CCDC88A: variants seen among roughly 807,000 people sequenced by gnomAD.
The protein encoded by CCDC88A is girdin.
Under a neutral mutation model 234.3 loss-of-function variants are expected in CCDC88A, and 54 were observed. The ratio of observed to expected loss-of-function variants is 0.23; its 90% confidence interval spans 0.19 to 0.29. CCDC88A has a LOEUF of 0.29. CCDC88A is among the 10% of genes least tolerant of loss of function. The pLI, the probability that CCDC88A is intolerant of heterozygous loss-of-function variation, is 1.00. For synonymous variants in CCDC88A, 753 were observed against 737.8 expected, an observed-to-expected ratio of 1.02 and a Z score of -0.33; for missense variants, 1,832 against 2,123.4, an observed-to-expected ratio of 0.86 and a Z score of 2.70.
intron 21 of CCDC88A, 126 bp from the exon 22 acceptor site, chr2:55,316,240 C>T: frequency 2.4e-6 from 1 of 416,712 alleles, no homozygotes. Flanking sequence ...TTACAAGTTA[C>T]TAAACTTATC....
At chr2:55,346,434 T>C in intron 9 of CCDC88A, 101 bp from the exon 10 acceptor site, 2 of 655,330 alleles carry the variant, frequency 3.1e-6, no homozygotes, top group Non-Finnish European at 4.6e-6. Context: ...TATTTATTTA[T>C]TTGAGATGGA....
chr2:55,374,650 A>C (rs1252169885), intron 4 of CCDC88A, among the ~76,000 whole-genome samples, 164 bp downstream of exon 4: 1 of 152,196 alleles, frequency 6.6e-6, no homozygotes, highest in Non-Finnish European at 1.5e-5. Context: ...TAACTTACAA[A>C]TATTCTAAGC....
intron 5 of CCDC88A, among the ~76,000 whole-genome samples, chr2:55,366,122 A>C (rs1671905875): frequency 6.6e-6 from 1 of 152,190 alleles, no homozygotes; most frequent in Non-Finnish European, 1.5e-5. Flanking sequence ...AAGCTCTCTT[A>C]TCTTTATGTA....
intron 2 of CCDC88A, among the ~76,000 whole-genome samples, chr2:55,414,402 A>G (rs1681005231): frequency 6.6e-6 from 1 of 152,250 alleles, no homozygotes; most frequent in Admixed American, 6.5e-5. Context: ...AATAAAGAAA[A>G]AAGATTTCAA....
At chr2:55,360,533 A>C (rs1254655788) in intron 7 of CCDC88A, among the ~76,000 whole-genome samples, 1 of 152,234 alleles carries the variant, frequency 6.6e-6, no homozygotes, top group African/African-American at 2.4e-5. Flanking sequence ...TCTGAGACAG[A>C]AGAGTATGAC....
In CCDC88A at chr2:55,334,112, C is replaced by T. The variant is rs1402179252; in HGVS notation, c.2709G>A (p.Thr903=). 1.5e-5 allele frequency: 20 copies of T among 1,309,588 alleles called. No homozygotes were observed. Among genetic ancestry groups the T allele is most frequent in the South Asian group, 3.1e-5 (1 of 32,378 alleles). 81.1% of individuals were successfully genotyped at this position (1,309,588 alleles called of 1,614,324 possible). ...TATTTACCTCACGTAGTGTAACCAA[C>T]GTTTTTATATCAATAGTTGCTCTTT... ...LVKRATIDIK[T]LVTLREDLVS... The change falls in exon 15 of 33, where the codon ACG becomes ACA. Residue 903 remains threonine, a synonymous_variant. Transcript: ENST00000436346. This position sits in a 1 kb window ranked among gnomAD's most constrained non-coding sequence, Gnocchi z 6.1.
At position 55,317,759 on chromosome 2, in the gene CCDC88A, T is replaced by G; in HGVS notation, c.3407A>C (p.Glu1136Ala). Reference protein sequence around the residue: ...AQLLIQQSSLENENESVIKER... With the variant: ...AQLLIQQSSLANENESVIKER... ...TTTGATTACAGATTCATTTTCATTT[T>G]CTAAGGAAGACTGCTGGATTAGGAG... is the stretch of plus-strand genomic sequence containing the variant. Residue 1136 changes from glutamate (E) to alanine (A), a missense_variant, in exon 20 of 33, where the codon GAA becomes GCA. Glu to Ala is a moderately radical substitution (Grantham distance 107). Around this residue, in one of 6 missense-constraint regions of CCDC88A, gnomAD observed 1,282 missense variants for 1,543.6 expected, o/e 0.83. Coordinates refer to ENST00000436346, the MANE Select transcript of CCDC88A (RefSeq NM_001365480.1). This position sits in a 1 kb window ranked among gnomAD's most constrained non-coding sequence, Gnocchi z 4.2. The G allele has an allele frequency of 6.2e-7, 1 of 1,613,454 alleles. No individual in the cohort carries two copies. Among genetic ancestry groups the G allele is most frequent in the Non-Finnish European group, 8.5e-7 (1 of 1,179,562 alleles).
chr2:55,375,576 G>A (rs762269307), intron 3 of CCDC88A, among the ~76,000 whole-genome samples: 5 of 148,246 alleles, frequency 3.4e-5, no homozygotes, highest in African/African-American at 7.4e-5. Context: ...CAGCCTGGCT[G>A]TAGTGCAGTG....
intron 8 of CCDC88A, among the ~76,000 whole-genome samples, chr2:55,351,683 T>C (rs905915185): frequency 8.5e-5 from 13 of 152,300 alleles, no homozygotes; most frequent in South Asian, 2.1e-4. Context: ...TTCAGCAGCA[T>C]TAATTATGTT....
chr2:55,401,402 C>A (rs1188773131), intron 2 of CCDC88A, among the ~76,000 whole-genome samples: 2 of 139,274 alleles, frequency 1.4e-5, no homozygotes, highest in East Asian at 2.0e-4. Flanking sequence ...CCACTGCATT[C>A]CAGCCTGGAT....
Position 55,317,655 on chromosome 2 carries a change from C to A in CCDC88A, c.3511G>T (p.Ala1171Ser), listed in dbSNP as rs745620129. 1.2e-6 allele frequency: 2 copies of A among 1,612,986 alleles called. No homozygotes were observed. The highest frequency in any genetic ancestry group is 2.2e-5 in the East Asian group (1 of 44,820). The change falls in exon 20 of 33, where the codon GCT (alanine) becomes TCT (serine). Residue 1171 changes from alanine to serine, a missense_variant. Transcript: ENST00000436346. The surrounding 1 kb of genome is among the most constrained non-coding windows in gnomAD (Gnocchi z 4.2). ...GAGATAAGAGATTCATACTCTGAAG[C>A]CTGACGTTCATGAAGAAGTTCCAGC... Reference protein sequence around the residue: ...EKLELLHERQASEYESLISKH... With the variant: ...EKLELLHERQSSEYESLISKH...
At chr2:55,346,089 T>C in intron 10 of CCDC88A, 86 bp downstream of exon 10, 2 of 876,120 alleles carry the variant, frequency 2.3e-6, no homozygotes, top group Non-Finnish European at 3.5e-6. Flanking sequence ...ATTTCAAGAG[T>C]TTCTCATGTT....
chr2:55,302,366 C>T (rs1302946420), intron 26 of CCDC88A, among the ~76,000 whole-genome samples: 1 of 152,170 alleles, frequency 6.6e-6, no homozygotes, highest in Non-Finnish European at 1.5e-5. Context: ...TGTGCTAAAA[C>T]TTTAATTAGC....
chr2:55,348,121 G>A (rs991049682), intron 9 of CCDC88A, among the ~76,000 whole-genome samples: 12 of 151,640 alleles, frequency 7.9e-5, no homozygotes, highest in African/African-American at 2.4e-4. Context: ...GCCCCATTAC[G>A]TGCAGCTAAT....
At chr2:55,349,400 G>A (rs1005756052) in intron 9 of CCDC88A, 118 bp downstream of exon 9, 1 of 725,822 alleles carries the variant, frequency 1.4e-6, no homozygotes, top group Non-Finnish European at 2.3e-6. Flanking sequence ...ATCTCTTGAA[G>A]CCTCAGGAAC....
At chr2:55,374,763 G>A in intron 4 of CCDC88A, 51 bp downstream of exon 4, 1 of 1,097,654 alleles carries the variant, frequency 9.1e-7, no homozygotes, top group Non-Finnish European at 1.4e-6. Flanking sequence ...AAACATCATA[G>A]TATTACACAA....
In CCDC88A at chr2:55,296,007, A is replaced by G. The variant is rs144120500; in HGVS notation, c.5141T>C (p.Leu1714Ser). Residue 1714 changes from leucine (L) to serine (S), a missense_variant, in exon 31 of 33, where the codon TTG becomes TCG. Leu to Ser is a moderately radical substitution (Grantham distance 145, BLOSUM62 -2). Transcript: ENST00000436346. ...ENLLDEVMKSLSVSSDFLGKD... is the reference protein window; with the variant it reads ...ENLLDEVMKSSSVSSDFLGKD... ...TCCCAAAAAGTCAGAAGAGACAGAC[A>G]AACTTTTCATTACTTCATCTAAAAG... 98 of 1,608,948 alleles carry G rather than the reference A, an allele frequency of 6.1e-5. No individual in the cohort carries two copies. In the African/African-American group the frequency reaches 1.2e-3, roughly 20 times the overall value.
At chr2:55,346,592 G>C (rs1397014986) in intron 9 of CCDC88A, among the ~76,000 whole-genome samples, 1 of 151,856 alleles carries the variant, frequency 6.6e-6, no homozygotes, top group Non-Finnish European at 1.5e-5. Context: ...GCTAATTTTT[G>C]TATTTTTAGT....
chr2:55,369,909 TA>T (rs1381179844), intron 5 of CCDC88A, among the ~76,000 whole-genome samples: 5 of 152,222 alleles, frequency 3.3e-5, no homozygotes, highest in African/African-American at 1.2e-4. Context: ...TTGTCTTCTC[TA>T]AAATTCAAAC....
Sources: allele counts gnomAD v4.1 joint callset (sites outside exome capture counted in the v4.1 genomes callset), GRCh38; gene constraint gnomAD v4.1.1; regional missense constraint gnomAD v4.1.1; non-coding constraint Gnocchi (gnomAD v3.1); transcripts MANE v1.5; gene names NCBI Gene and HGNC (gene_info 2026-07-23, HGNC 2026-07-21).